SYT9: variants seen among roughly 807,000 people sequenced by gnomAD.
SYT9 encodes synaptotagmin-9.
A neutral mutation model predicts 48.4 loss-of-function variants in SYT9; 22 were observed. That is an observed-to-expected ratio of 0.45 (90% CI 0.32 to 0.65). The LOEUF (loss-of-function observed/expected upper bound fraction) is 0.65, where lower values mean the gene tolerates loss of function less well. SYT9 is among the 30% of genes least tolerant of loss of function. The pLI is 0.03. For missense variants in SYT9, 577 were observed against 622.0 expected (o/e 0.93, Z 0.77); for synonymous variants, 265 against 245.0 (o/e 1.08, Z -0.76).
intron 3 of SYT9, among the ~76,000 whole-genome samples, chr11:7,404,629 A>C (rs1590002028): frequency 6.6e-6 from 1 of 152,160 alleles, no homozygotes; most frequent in East Asian, 1.9e-4. Context: ...TAAAATAAAC[A>C]TTTATGCATC....
intron 3 of SYT9, among the ~76,000 whole-genome samples, chr11:7,376,981 A>G (rs1490824088): frequency 6.6e-6 from 1 of 150,382 alleles, no homozygotes; most frequent in African/African-American, 2.5e-5. Context: ...TTCCAGTGTA[A>G]TTATGTCCAC....
chr11:7,336,119 T>G (rs1464498071), intron 3 of SYT9, among the ~76,000 whole-genome samples: 1 of 152,208 alleles, frequency 6.6e-6, no homozygotes, highest in African/African-American at 2.4e-5. Context: ...TTTCATATTT[T>G]TGTTGGTCAC....
chr11:7,379,139 C>G (rs890354675), intron 3 of SYT9, among the ~76,000 whole-genome samples: 11 of 152,076 alleles, frequency 7.2e-5, no homozygotes, highest in African/African-American at 2.7e-4. Flanking sequence ...AATGCTAAAG[C>G]CTTTCTGTAG....
chr11:7,340,511 CT>C (rs2051207363), intron 3 of SYT9, among the ~76,000 whole-genome samples: 1 of 152,184 alleles, frequency 6.6e-6, no homozygotes, highest in Non-Finnish European at 1.5e-5. Context: ...AACTGCTGGG[CT>C]GCTTCTGATT....
chr11:7,325,187 G>A (rs925259700), intron 3 of SYT9, among the ~76,000 whole-genome samples: 4 of 151,204 alleles, frequency 2.6e-5, no homozygotes, highest in Admixed American at 6.6e-5. Flanking sequence ...CATTGAATCT[G>A]TAAATTACCT....
At chr11:7,412,412 A>G (rs528612685) in intron 3 of SYT9, among the ~76,000 whole-genome samples, 9 of 152,362 alleles carry the variant, frequency 5.9e-5, no homozygotes, top group African/African-American at 2.2e-4. Flanking sequence ...GATGCAAGCA[A>G]TAGCGTAGTT....
At chr11:7,271,633 G>A (rs955697567) in intron 1 of SYT9, among the ~76,000 whole-genome samples, 38 of 152,172 alleles carry the variant, frequency 2.5e-4, no homozygotes, top group Admixed American at 2.4e-3. Flanking sequence ...TTGGAGTGCA[G>A]TGGCACTATC....
chr11:7,294,486 A>G (rs1281449858), intron 1 of SYT9, among the ~76,000 whole-genome samples: 1 of 152,248 alleles, frequency 6.6e-6, no homozygotes, highest in Non-Finnish European at 1.5e-5. Context: ...AACCTGTGAA[A>G]CCAAACAAGT....
chr11:7,427,469 G>A (rs7949007), intron 6 of SYT9: 60,446 of 152,006 alleles, frequency 0.4, 13,991 homozygotes, highest in African/African-American at 0.63. Context: ...GTCCTAGAGC[G>A]CTCAATATGT....
At chr11:7,360,884 A>G (rs765556839) in intron 3 of SYT9, among the ~76,000 whole-genome samples, 4 of 152,150 alleles carry the variant, frequency 2.6e-5, no homozygotes, top group Non-Finnish European at 5.9e-5. Context: ...TTGATCTAAT[A>G]GTTATAATTT....
rs571056724 is a variant in SYT9, at chr11:7,280,076, T to A, written c.146-22963T>A. Among the ~76,000 whole-genome samples the A allele has an allele frequency of 1.1e-4, 17 of 152,390 alleles. No individual in the cohort carries two copies. In the East Asian group the frequency reaches 2.9e-3, roughly 26 times the overall value. ...GGGCAGGGATGTATCAGTACATCTGTAAACAACTAATTCTCCAGAATAGAA... is the reference window on the plus strand; with the variant it reads ...GGGCAGGGATGTATCAGTACATCTGAAAACAACTAATTCTCCAGAATAGAA... On this transcript the variant is annotated intron_variant, in intron 1 of 6. Transcript: ENST00000318881.
intron 3 of SYT9, among the ~76,000 whole-genome samples, chr11:7,413,782 G>A (rs1385725174): frequency 2.1e-5 from 3 of 146,014 alleles, no homozygotes; most frequent in Non-Finnish European, 4.5e-5. Flanking sequence ...TTCTTTTTAA[G>A]AGACAGCATC....
intron 6 of SYT9, among the ~76,000 whole-genome samples, chr11:7,433,637 G>T (rs1332440559): frequency 2.0e-5 from 3 of 152,166 alleles, no homozygotes; most frequent in Admixed American, 2.0e-4. Flanking sequence ...TGAGGGCTCT[G>T]CCTTCATGAA....
intron 3 of SYT9, among the ~76,000 whole-genome samples, chr11:7,388,581 T>G (rs980527976): frequency 9.9e-5 from 15 of 152,190 alleles, no homozygotes; most frequent in African/African-American, 3.4e-4. Flanking sequence ...CACTGATAAT[T>G]GGCCTTATTT....
intron 3 of SYT9, among the ~76,000 whole-genome samples, chr11:7,315,201 G>T (rs1849220216): frequency 1.3e-5 from 2 of 152,166 alleles, no homozygotes; most frequent in African/African-American, 4.8e-5. Context: ...AAGGTGATTT[G>T]GGATACTGGG....
intron 3 of SYT9, among the ~76,000 whole-genome samples, chr11:7,321,696 T>G (rs1175620437): frequency 6.6e-6 from 1 of 152,096 alleles, no homozygotes; most frequent in African/African-American, 2.4e-5. Context: ...GAGTCAGCAA[T>G]GTATGAGCTG....
intron 3 of SYT9, among the ~76,000 whole-genome samples, chr11:7,329,276 C>T (rs193246341): frequency 3.3e-5 from 5 of 152,158 alleles, no homozygotes; most frequent in East Asian, 3.9e-4. Flanking sequence ...TTTTTGAGTA[C>T]GCTAATTCTT....
intron 1 of SYT9, among the ~76,000 whole-genome samples, chr11:7,287,167 A>G (rs1353536432): frequency 3.9e-5 from 6 of 152,164 alleles, no homozygotes; most frequent in African/African-American, 1.4e-4. Context: ...CAAACTTACA[A>G]TCATGGCAGA....
intron 2 of SYT9, among the ~76,000 whole-genome samples, chr11:7,306,828 A>T (rs1048133975): frequency 3.9e-5 from 6 of 151,974 alleles, no homozygotes; most frequent in Non-Finnish European, 8.8e-5. Context: ...GTGATTCTTT[A>T]TTGCTTGTAC....
Sources: allele counts gnomAD v4.1 joint callset (sites outside exome capture counted in the v4.1 genomes callset), GRCh38; gene constraint gnomAD v4.1.1; transcripts MANE v1.5; gene names NCBI Gene and HGNC (gene_info 2026-07-23, HGNC 2026-07-21).